The following ADAMTS16 variants were observed in gnomAD, a reference collection of about 807,000 sequenced individuals.
ADAMTS16 encodes ADAM metallopeptidase with thrombospondin type 1 motif 16, also known as A disintegrin and metalloproteinase with thrombospondin motifs 16.
Under a neutral mutation model 145.8 loss-of-function variants are expected in ADAMTS16, and 94 were observed. That is an observed-to-expected ratio of 0.64 (90% CI 0.55 to 0.77). The LOEUF is 0.77. Among genes scored for constraint, ADAMTS16 ranks in the 30% least tolerant of loss-of-function variants. The pLI, the probability that ADAMTS16 is intolerant of heterozygous loss-of-function variation, is 0.00. For synonymous variants in ADAMTS16, 659 were observed against 604.3 expected (o/e 1.09, Z -1.33); for missense variants, 1,585 against 1,591.5 (o/e 1.00, Z 0.07).
intron 18 of ADAMTS16, among the ~76,000 whole-genome samples, chr5:5,263,918 T>C (rs985974088): frequency 4.6e-5 from 7 of 152,112 alleles, no homozygotes; most frequent in African/African-American, 1.7e-4. Flanking sequence ...GCTTGACCAC[T>C]GAAGGATGGT....
chr5:5,275,252 G>A (rs1240807037), intron 18 of ADAMTS16, among the ~76,000 whole-genome samples: 3 of 152,148 alleles, frequency 2.0e-5, no homozygotes, highest in African/African-American at 7.2e-5. Context: ...ATGTATGGAA[G>A]CTTCAGGGTA....
chr5:5,271,857 G>C (rs1738488458), intron 18 of ADAMTS16, among the ~76,000 whole-genome samples: 1 of 152,124 alleles, frequency 6.6e-6, no homozygotes, highest in African/African-American at 2.4e-5. Flanking sequence ...TTGATATTTG[G>C]ATGGCTTATT....
At chr5:5,267,483 T>C (rs1738284280) in intron 18 of ADAMTS16, among the ~76,000 whole-genome samples, 1 of 152,104 alleles carries the variant, frequency 6.6e-6, no homozygotes, top group Non-Finnish European at 1.5e-5. Context: ...TAGGTGGTCT[T>C]TCCCCTGGAG....
intron 18 of ADAMTS16, among the ~76,000 whole-genome samples, chr5:5,297,480 A>G (rs1739590831): frequency 6.6e-6 from 1 of 152,194 alleles, no homozygotes; most frequent in Non-Finnish European, 1.5e-5. Flanking sequence ...AAACCCTCAG[A>G]TGAGGGGTTT....
rs1036297460 is a variant in ADAMTS16, at chr5:5,211,291, C to A, written c.1605+2045C>A. 1.3e-4 allele frequency among the ~76,000 whole-genome samples: 20 copies of A among 152,168 alleles called. No homozygotes were observed. In the South Asian group the frequency reaches 4.1e-3, roughly 32 times the overall value. On this transcript the variant is annotated intron_variant, in intron 10 of 22. Transcript: ENST00000274181. Reference sequence around the variant, plus strand: ...AGAAGACACTCCTAACTAGACTGATCAATTTCATTGGAAAAAGTAAAGAAA... The same window carrying A: ...AGAAGACACTCCTAACTAGACTGATAAATTTCATTGGAAAAAGTAAAGAAA...
intron 9 of ADAMTS16, among the ~76,000 whole-genome samples, chr5:5,208,315 G>GT (rs764087698): frequency 2.6e-4 from 39 of 152,060 alleles, no homozygotes; most frequent in African/African-American, 4.6e-4. Context: ...CTAGGTTTTT[G>GT]TTTTTTTGGT....
At chr5:5,168,034 C>T (rs1734928793) in intron 3 of ADAMTS16, among the ~76,000 whole-genome samples, 1 of 152,134 alleles carries the variant, frequency 6.6e-6, no homozygotes, top group African/African-American at 2.4e-5. Context: ...ATCTAATAGA[C>T]TTAGATCCTT....
intron 10 of ADAMTS16, among the ~76,000 whole-genome samples, chr5:5,210,345 G>T (rs548254515): frequency 6.6e-6 from 1 of 152,234 alleles, no homozygotes; most frequent in South Asian, 2.1e-4. Context: ...GTGCCCTGTT[G>T]TCATTTGGAA....
At chr5:5,266,875 C>T (rs1411059926) in intron 18 of ADAMTS16, among the ~76,000 whole-genome samples, 1 of 152,158 alleles carries the variant, frequency 6.6e-6, no homozygotes, top group Non-Finnish European at 1.5e-5. Context: ...CAAGCGAGAC[C>T]ATAATACAAT....
chr5:5,258,724 G>A (rs1737886031), intron 17 of ADAMTS16, among the ~76,000 whole-genome samples: 1 of 152,188 alleles, frequency 6.6e-6, no homozygotes, highest in Non-Finnish European at 1.5e-5. Flanking sequence ...CAGGGTCACA[G>A]CATCACAGGC....
chr5:5,214,500 C>T (rs1341627483), intron 10 of ADAMTS16, among the ~76,000 whole-genome samples: 1 of 152,132 alleles, frequency 6.6e-6, no homozygotes, highest in African/African-American at 2.4e-5. Context: ...GGAACCTCTC[C>T]CTCCCAGGCT....
chr5:5,303,508 C>T (rs1237550925), intron 19 of ADAMTS16, 39 bp downstream of exon 19: 3 of 1,607,718 alleles, frequency 1.9e-6, no homozygotes, highest in East Asian at 2.2e-5. Flanking sequence ...CAGCAGGGCC[C>T]CTGCATGATC....
At chr5:5,273,169 T>C (rs1441130522) in intron 18 of ADAMTS16, among the ~76,000 whole-genome samples, 3 of 152,154 alleles carry the variant, frequency 2.0e-5, no homozygotes, top group Admixed American at 6.5e-5. Flanking sequence ...ACTGTGCCCT[T>C]TGCAAAGACA....
chr5:5,318,882 C>T, intron 22 of ADAMTS16, 141 bp from the exon 23 acceptor site: 2 of 619,336 alleles, frequency 3.2e-6, no homozygotes, highest in Non-Finnish European at 5.7e-6. Context: ...CACGGGACCC[C>T]CATCAGACCT....
chr5:5,149,391 T>C (rs1292661250), intron 3 of ADAMTS16, among the ~76,000 whole-genome samples: 4 of 152,206 alleles, frequency 2.6e-5, no homozygotes, highest in Non-Finnish European at 5.9e-5. Context: ...GAGGGCTAGT[T>C]ATAAGTAAGA....
intron 14 of ADAMTS16, among the ~76,000 whole-genome samples, chr5:5,238,689 G>T (rs1223431511): frequency 6.6e-6 from 1 of 152,180 alleles, no homozygotes; most frequent in Non-Finnish European, 1.5e-5. Context: ...CTAAGGAAGT[G>T]AATAAACATG....
intron 17 of ADAMTS16, among the ~76,000 whole-genome samples, chr5:5,259,024 G>A (rs868176954): frequency 1.8e-4 from 27 of 152,204 alleles, no homozygotes; most frequent in African/African-American, 6.3e-4. Flanking sequence ...TGAGGCATTT[G>A]GGGCACATTG....
Position 5,156,033 on chromosome 5 carries a change from C to A in ADAMTS16, c.501+9578C>A, listed in dbSNP as rs150620292. ...CACAAGGAACAGACAGGAAGTGAGG[C>A]GTAGACAGTCCGCAGGGGCTAGACA... On this transcript the variant is annotated intron_variant, in intron 3 of 22. Coordinates refer to ENST00000274181, the MANE Select transcript of ADAMTS16 (RefSeq NM_139056.4). Among the ~76,000 whole-genome samples the A allele has an allele frequency of 1.0e-3, 159 of 152,232 alleles. No homozygotes were observed. The Middle Eastern group carries it at 0.014, about 13-fold the overall frequency.
chr5:5,140,358 C>A lies in ADAMTS16; in HGVS notation c.-110C>A. ...AATAACCCCGGCGCGGCGGCGGAGT[C>A]GCTGTGGGGAATCCTCCCGCGCTCT... On this transcript the variant is annotated 5_prime_UTR_variant, in exon 1 of 23. Coordinates refer to ENST00000274181, the MANE Select transcript of ADAMTS16 (RefSeq NM_139056.4). 9.0e-7 allele frequency: 1 copy of A among 1,111,212 alleles called. No individual in the cohort carries two copies. The highest frequency in any genetic ancestry group is 1.2e-6 in the Non-Finnish European group (1 of 832,720). 68.8% of individuals were successfully genotyped at this position (1,111,212 alleles called of 1,614,324 possible).
Sources: gnomAD v4.1 joint callset for allele counts (sites outside exome capture counted in the v4.1 genomes callset) on GRCh38, gnomAD v4.1.1 for gene constraint, MANE v1.5 for transcripts, NCBI Gene and HGNC (gene_info 2026-07-23, HGNC 2026-07-21) for gene names.